KCTD2: variants seen among roughly 807,000 people sequenced by gnomAD.
KCTD2 encodes the protein potassium channel tetramerization domain containing 2, also known as BTB/POZ domain-containing protein KCTD2.
KCTD2 carries 18 observed loss-of-function variants against 27.9 expected under a neutral mutation model. That is an observed-to-expected ratio of 0.64 (90% confidence interval 0.45 to 0.96). The LOEUF (loss-of-function observed/expected upper bound fraction) is 0.96. KCTD2 is among the 40% of genes least tolerant of loss of function. The pLI, the probability that KCTD2 is intolerant of heterozygous loss-of-function variation, is 0.00. For missense variants in KCTD2, 280 were observed against 348.0 expected, an observed-to-expected ratio of 0.80 and a Z score of 1.56; for synonymous variants, 175 against 148.4, an observed-to-expected ratio of 1.18 and a Z score of -1.30.
intron 2 of KCTD2, among the ~76,000 whole-genome samples, chr17:75,051,158 A>G (rs1320044660): frequency 2.0e-5 from 3 of 150,510 alleles, no homozygotes; most frequent in Non-Finnish European, 4.4e-5. Context: ...TATTTTTAGT[A>G]GAGACAGGGT....
At chr17:75,062,353 C>G (rs537650504) in intron 5 of KCTD2, 108 bp downstream of exon 5, 6 of 1,089,504 alleles carry the variant, frequency 5.5e-6, no homozygotes, top group Non-Finnish European at 7.8e-6. Context: ...CCTTCTAGAG[C>G]CAGCGTTGCA....
chr17:75,048,251 AG>A (rs2073248715), intron 1 of KCTD2, among the ~76,000 whole-genome samples: 1 of 152,208 alleles, frequency 6.6e-6, no homozygotes, highest in African/African-American at 2.4e-5. Flanking sequence ...AATTTTGGGC[AG>A]GATGCATGGC....
At chr17:75,054,771 C>T (rs2073332706) in intron 3 of KCTD2, among the ~76,000 whole-genome samples, 1 of 150,746 alleles carries the variant, frequency 6.6e-6, no homozygotes, top group African/African-American at 2.4e-5. Context: ...CGCACCACTG[C>T]ACCACTCCAG....
At chr17:75,037,222 T>C (rs2144905806) in intron 3 of KCTD2, among the ~76,000 whole-genome samples, 2 of 151,920 alleles carry the variant, frequency 1.3e-5, no homozygotes, top group Middle Eastern at 3.4e-3. Context: ...CGGGCGCCTG[T>C]ACTCCCAGCT....
intron 3 of KCTD2, chr17:75,038,923 G>T (rs1440252627): frequency 3.1e-6 from 5 of 1,611,752 alleles, no homozygotes; most frequent in African/African-American, 1.3e-5. Context: ...CTTCCTCCTG[G>T]ACTCAATTTT....
chr17:75,056,952 CT>C (rs35875644), intron 3 of KCTD2, among the ~76,000 whole-genome samples: 12,530 of 107,834 alleles, frequency 0.12, 524 homozygotes, highest in East Asian at 0.48. Flanking sequence ...TTTCTTTTTT[CT>C]TTTTTTTTTT....
intron 3 of KCTD2, chr17:75,042,057 T>C (rs2073166839): frequency 3.8e-6 from 3 of 794,252 alleles, no homozygotes; most frequent in South Asian, 1.8e-5. Flanking sequence ...CCTTTGGCCA[T>C]ACGCATCCTT....
At chr17:75,040,104 T>G (rs1401828413) in intron 3 of KCTD2, 2 of 1,613,312 alleles carry the variant, frequency 1.2e-6, no homozygotes, top group African/African-American at 2.7e-5. Flanking sequence ...CTTCTTTTTC[T>G]TCGGCATCCA....
At chr17:75,056,960 T>C (rs2073356714) in intron 3 of KCTD2, among the ~76,000 whole-genome samples, 2 of 143,958 alleles carry the variant, frequency 1.4e-5, no homozygotes, top group Non-Finnish European at 1.5e-5. Context: ...TTCTTTTTTT[T>C]TTTTTTTTTT....
chr17:75,058,821 G>A (rs1175603061), intron 3 of KCTD2, among the ~76,000 whole-genome samples: 2 of 150,302 alleles, frequency 1.3e-5, no homozygotes, highest in African/African-American at 4.9e-5. Context: ...AAATAGGCCG[G>A]GCGCGGTGGC....
intron 2 of KCTD2, among the ~76,000 whole-genome samples, chr17:75,050,781 C>T (rs185383725): frequency 4.6e-5 from 7 of 152,214 alleles, no homozygotes; most frequent in African/African-American, 1.7e-4. Context: ...AGAGAACTCC[C>T]TATATCCCAG....
At chr17:75,044,141 C>T (rs1338808544), upstream of KCTD2, among the ~76,000 whole-genome samples, 2 of 150,506 alleles carry the variant, frequency 1.3e-5, no homozygotes, top group Non-Finnish European at 2.9e-5. Flanking sequence ...TCTCCTGCCT[C>T]AGCCTCCGGA....
At chr17:75,059,439 GA>G (rs2073381787) in intron 3 of KCTD2, 70 bp from the exon 4 acceptor site, 1 of 962,606 alleles carries the variant, frequency 1.0e-6, no homozygotes, top group African/African-American at 1.6e-5. Context: ...TTCATTTGAA[GA>G]GCCTCCTTGG....
chr17:75,036,670 TCTAA>T (rs1216143456), intron 3 of KCTD2, among the ~76,000 whole-genome samples: 1 of 152,206 alleles, frequency 6.6e-6, no homozygotes, highest in East Asian at 1.9e-4. Flanking sequence ...CAGCGCGAGC[TCTAA>T]CTATGCTCCA....
intron 3 of KCTD2, among the ~76,000 whole-genome samples, chr17:75,058,339 A>G (rs1178130443): frequency 9.3e-6 from 1 of 107,186 alleles, no homozygotes; most frequent in Non-Finnish European, 1.8e-5. Context: ...AAAAAAAAGG[A>G]AAAAAAAATA....
intron 3 of KCTD2, chr17:75,035,976 T>C (rs892059153): frequency 2.3e-6 from 1 of 441,034 alleles, no homozygotes; most frequent in Non-Finnish European, 4.6e-6. Flanking sequence ...TACTCTGTGC[T>C]TGGAGGAAGA....
intron 2 of KCTD2, among the ~76,000 whole-genome samples, chr17:75,050,533 G>A (rs910533366): frequency 2.2e-4 from 33 of 152,268 alleles, no homozygotes; most frequent in African/African-American, 7.9e-4. Flanking sequence ...AGAGTGCTGG[G>A]ATTACAGGCC....
chr17:75,048,615 TC>T (rs1323258869), intron 1 of KCTD2, among the ~76,000 whole-genome samples: 2 of 152,324 alleles, frequency 1.3e-5, no homozygotes, highest in Non-Finnish European at 2.9e-5. Flanking sequence ...TTCTTCTTGT[TC>T]CTTTTACTGT....
chr17:75,042,337 T>C, upstream of KCTD2: 1 of 1,563,866 alleles, frequency 6.4e-7, no homozygotes, highest in Non-Finnish European at 8.8e-7. Flanking sequence ...ATTCACATGG[T>C]AATTTTCCTA....
Sources: allele counts gnomAD v4.1 joint callset (sites outside exome capture counted in the v4.1 genomes callset), GRCh38; gene constraint gnomAD v4.1.1; transcripts MANE v1.5; gene names NCBI Gene and HGNC (gene_info 2026-07-23, HGNC 2026-07-21).